The following SMCO4 variants were observed in gnomAD, a reference collection of about 807,000 sequenced individuals.
SMCO4 encodes single-pass membrane protein with coiled-coil domains 4, also known as single-pass membrane and coiled-coil domain-containing protein 4.
Under a neutral mutation model 3.6 loss-of-function variants are expected in SMCO4, and 4 were observed. That is an observed-to-expected ratio of 1.11 (90% confidence interval 0.54 to 2.53). The LOEUF (loss-of-function observed/expected upper bound fraction) is 2.53, where lower values mean the gene tolerates loss of function less well. SMCO4 is among the 30% of genes most tolerant of loss of function. The pLI, the probability that SMCO4 is intolerant of heterozygous loss-of-function variation, is 0.02. For missense variants in SMCO4, 70 were observed against 80.8 expected (o/e 0.87, Z 0.51); for synonymous variants, 36 against 35.3 (o/e 1.02, Z -0.07).
chr11:93,534,255 C>T (rs1280812826), intron 1 of SMCO4, among the ~76,000 whole-genome samples: 29 of 97,810 alleles, frequency 3.0e-4, no homozygotes, highest in Non-Finnish European at 4.9e-4. Context: ...CACACACACA[C>T]ACACACAAAC....
intron 2 of SMCO4, among the ~76,000 whole-genome samples, chr11:93,490,710 A>T (rs1948704720): frequency 6.6e-6 from 1 of 152,220 alleles, no homozygotes; most frequent in East Asian, 1.9e-4. Flanking sequence ...CTGTATATTA[A>T]AAGGGCATAA....
At chr11:93,511,706 C>G (rs373013905) in intron 1 of SMCO4, among the ~76,000 whole-genome samples, 18 of 152,180 alleles carry the variant, frequency 1.2e-4, no homozygotes, top group South Asian at 6.2e-4. Flanking sequence ...CAACCACATG[C>G]TACTCTACAC....
intron 2 of SMCO4, among the ~76,000 whole-genome samples, chr11:93,492,214 A>G (rs2658804): frequency 0.66 from 100,056 of 152,066 alleles, 33,199 homozygotes; most frequent in African/African-American, 0.7. Context: ...CAGTGTTGGC[A>G]ACTAACCATG....
chr11:93,489,121 A>G (rs1209217594), intron 2 of SMCO4, among the ~76,000 whole-genome samples: 3 of 152,174 alleles, frequency 2.0e-5, no homozygotes, highest in Non-Finnish European at 4.4e-5. Flanking sequence ...AAACAAGAGC[A>G]CAGGGAAGAC....
chr11:93,528,618 G>A (rs1021434524), intron 1 of SMCO4, among the ~76,000 whole-genome samples: 3 of 138,228 alleles, frequency 2.2e-5, no homozygotes, highest in African/African-American at 5.6e-5. Flanking sequence ...CTACCTTCCA[G>A]GAGCTCGCAC....
intron 1 of SMCO4, among the ~76,000 whole-genome samples, chr11:93,510,448 C>T (rs1302509099): frequency 6.6e-6 from 1 of 152,160 alleles, no homozygotes; most frequent in Non-Finnish European, 1.5e-5. Flanking sequence ...ACAAGGAGAT[C>T]CAAGAAAGAA....
At chr11:93,496,074 G>T (rs1246937145) in intron 2 of SMCO4, among the ~76,000 whole-genome samples, 1 of 152,182 alleles carries the variant, frequency 6.6e-6, no homozygotes, top group African/African-American at 2.4e-5. Flanking sequence ...ATCAAGTGCA[G>T]GATGAGGTCA....
intron 2 of SMCO4, among the ~76,000 whole-genome samples, chr11:93,483,581 A>G (rs1948615913): frequency 6.7e-6 from 1 of 149,186 alleles, no homozygotes; most frequent in Non-Finnish European, 1.5e-5. Context: ...TCCTCCTTCT[A>G]GTCGAGTCCC....
At chr11:93,543,890 C>T (rs1322012316), upstream of SMCO4, among the ~76,000 whole-genome samples, 1 of 152,226 alleles carries the variant, frequency 6.6e-6, no homozygotes, top group African/African-American at 2.4e-5. Flanking sequence ...GGCTTTGAAA[C>T]CTCAAGCGGA....
At chr11:93,533,051 G>T (rs963478613) in intron 1 of SMCO4, among the ~76,000 whole-genome samples, 3 of 152,162 alleles carry the variant, frequency 2.0e-5, no homozygotes, top group Non-Finnish European at 4.4e-5. Context: ...AATCCCAGAG[G>T]GCCAAACGGA....
chr11:93,536,912 A>C (rs1949231165), intron 1 of SMCO4, among the ~76,000 whole-genome samples: 1 of 152,210 alleles, frequency 6.6e-6, no homozygotes, highest in African/African-American at 2.4e-5. Flanking sequence ...CCCAAGACTG[A>C]CAAAGTTCAA....
chr11:93,529,165 T>A (rs1344166717), intron 1 of SMCO4, among the ~76,000 whole-genome samples: 1 of 152,208 alleles, frequency 6.6e-6, no homozygotes, highest in Non-Finnish European at 1.5e-5. Flanking sequence ...GCTGTGCAAT[T>A]TAAAAGGCAG....
At chr11:93,535,733 C>A in intron 1 of SMCO4, 1 of 1,613,578 alleles carries the variant, frequency 6.2e-7, no homozygotes, top group Non-Finnish European at 8.5e-7. Flanking sequence ...CTCCTGAGAG[C>A]TAACATGGAT....
chr11:93,495,046 C>T (rs1948758770), intron 2 of SMCO4, among the ~76,000 whole-genome samples: 1 of 152,024 alleles, frequency 6.6e-6, no homozygotes, highest in Non-Finnish European at 1.5e-5. Flanking sequence ...TTTATCCATG[C>T]AGCTGTCTGA....
intron 1 of SMCO4, among the ~76,000 whole-genome samples, chr11:93,503,253 G>A (rs911526437): frequency 6.6e-6 from 1 of 152,166 alleles, no homozygotes; most frequent in Non-Finnish European, 1.5e-5. Flanking sequence ...AAGGCAAAAG[G>A]CATGTCTTAC....
intron 2 of SMCO4, among the ~76,000 whole-genome samples, chr11:93,494,492 C>A (rs1223830060): frequency 2.0e-5 from 3 of 152,168 alleles, no homozygotes; most frequent in African/African-American, 7.2e-5. Context: ...GTCAGAGTGC[C>A]ATTTCCAAAC....
intron 1 of SMCO4, among the ~76,000 whole-genome samples, chr11:93,508,169 T>C (rs748466004): frequency 4.6e-5 from 7 of 151,962 alleles, no homozygotes; most frequent in Non-Finnish European, 8.8e-5. Flanking sequence ...CATAAAGGGG[T>C]CCTGAAACCA....
Position 93,478,713 on chromosome 11 carries a change from GCACACACACACACACACACACACACACA to G in SMCO4, c.*269_*296del, listed in dbSNP as rs58177836. The G allele has an allele frequency of 3.1e-5, 7 of 225,996 alleles. No individual in the cohort carries two copies. The highest frequency in any genetic ancestry group is 4.8e-5 in the African/African-American group (2 of 41,658). The allele number at this position is 225,996 out of a possible 1,614,324, so 14.0% of individuals were successfully genotyped here. A position where few individuals can be genotyped will look rare whatever the true frequency, so the allele number is the denominator to read the frequency against. ...ATCGATTTTTAGGAGAGAAAAAGAAGCACACACACACACACACACACACACACACACACACACACATGCGCGCGCGCTT... is the reference window on the plus strand; with the variant it reads ...ATCGATTTTTAGGAGAGAAAAAGAAGCACACACACACATGCGCGCGCGCTT... On this transcript the variant is annotated 3_prime_UTR_variant, in exon 3 of 3. Transcript: ENST00000298966.
In SMCO4 at chr11:93,514,398, ATATATATATATATATATATAT is replaced by A. The variant is rs1565382997; in HGVS notation, c.-153-15071_-153-15051del. Among the ~76,000 whole-genome samples the A allele has an allele frequency of 6.6e-4, 59 of 88,994 alleles. 2 individuals carry two copies. Among genetic ancestry groups the A allele is most frequent in the African/African-American group, 2.7e-3 (56 of 20,634 alleles). 58.4% of individuals were successfully genotyped at this position (88,994 alleles called of 152,430 possible). A position where few individuals can be genotyped will look rare whatever the true frequency, so the allele number is the denominator to read the frequency against. On this transcript the variant is annotated intron_variant, in intron 1 of 2. Transcript: ENST00000298966. ...GCTATATATATATATATATATATAT[ATATATATATATATATATATAT>A]ATAAAATTTGGTCTCTTCCAAAGAT...
Sources: gnomAD v4.1 joint callset for allele counts (sites outside exome capture counted in the v4.1 genomes callset) on GRCh38, gnomAD v4.1.1 for gene constraint, MANE v1.5 for transcripts, NCBI Gene and HGNC (gene_info 2026-07-23, HGNC 2026-07-21) for gene names.